ETFBKMT: variants seen among roughly 807,000 people sequenced by gnomAD.
ETFBKMT encodes the protein electron transfer flavoprotein beta subunit lysine methyltransferase.
Under a neutral mutation model 18.3 loss-of-function variants are expected in ETFBKMT, and 13 were observed. That is an observed-to-expected ratio of 0.71 (90% CI 0.46 to 1.13). The LOEUF is 1.13. Among genes scored for constraint, ETFBKMT ranks in the 50% most tolerant of loss-of-function variants. The probability of loss-of-function intolerance (pLI) is 0.00; values close to 1 mark genes in which losing one functional copy is unlikely to be tolerated. For synonymous variants in ETFBKMT, 84 were observed against 107.9 expected (o/e 0.78, Z 1.37); for missense variants, 293 against 306.2 (o/e 0.96, Z 0.32).
intron 2 of ETFBKMT, among the ~76,000 whole-genome samples, chr12:31,662,859 G>A (rs1185558527): frequency 6.6e-6 from 1 of 151,940 alleles, no homozygotes; most frequent in Non-Finnish European, 1.5e-5. Context: ...CAGTCCTTTC[G>A]CTCTCCTTTA....
Position 31,668,912 on chromosome 12 carries a change from T to A in ETFBKMT, c.*922T>A, listed in dbSNP as rs899126204. On this transcript the variant is annotated 3_prime_UTR_variant, in exon 4 of 4. Coordinates refer to ENST00000357721, the MANE Select transcript of ETFBKMT (RefSeq NM_001135863.2). ...TTTCGCATTAGAGCCCTTTGCATGT[T>A]AATCAGTTATTTTAAATTTATGATC... is the stretch of plus-strand genomic sequence containing the variant. The A allele has an allele frequency of 6.6e-6, 1 of 152,274 alleles. No individual in the cohort carries two copies. The allele number at this position is 152,274 out of a possible 1,614,324, so 9.4% of individuals were successfully genotyped here.
chr12:31,672,675 C>T lies in ETFBKMT; in HGVS notation c.*4685C>T, dbSNP rs751778678. 3 of 254,514 alleles carry T rather than the reference C, an allele frequency of 1.2e-5. No homozygotes were observed. Among genetic ancestry groups the T allele is most frequent in the Non-Finnish European group, 2.3e-5 (3 of 132,132 alleles). The allele number at this position is 254,514 out of a possible 1,614,324, so 15.8% of individuals were successfully genotyped here. On this transcript the variant is annotated 3_prime_UTR_variant, in exon 4 of 4. Transcript: ENST00000357721. ...CAACCAGAGTAATGGTCTAATTTCA[C>T]CATTAACCTGTGTTAATGGTTAATA...
intron 1 of ETFBKMT, among the ~76,000 whole-genome samples, chr12:31,652,079 A>G (rs957323463): frequency 2.0e-5 from 3 of 152,172 alleles, no homozygotes; most frequent in Non-Finnish European, 4.4e-5. Context: ...TGGGGTAACC[A>G]GGCTTCCCCT....
chr12:31,657,359 C>G (rs1414111764), upstream of ETFBKMT, among the ~76,000 whole-genome samples: 3 of 152,194 alleles, frequency 2.0e-5, no homozygotes, highest in Non-Finnish European at 4.4e-5. Flanking sequence ...TAAGACATTA[C>G]AATGCATCAA....
At chr12:31,659,449 T>G (rs748360771), upstream of ETFBKMT, 2 of 152,412 alleles carry the variant, frequency 1.3e-5, no homozygotes, top group Non-Finnish European at 2.9e-5. Flanking sequence ...GTCTACCCGT[T>G]GTGGAACGTA....
chr12:31,666,179 G>A lies in ETFBKMT; in HGVS notation c.407G>A (p.Ser136Asn), dbSNP rs1951193162. The part of the protein sequence containing the change: ...CGATAIAAKM[S>N]GASRILANDI... Reference sequence around the variant, plus strand: ...GCTACAGCTATTGCTGCTAAGATGAGTGGGGCATCAAGGATCTTGGCCAAT... The same window carrying A: ...GCTACAGCTATTGCTGCTAAGATGAATGGGGCATCAAGGATCTTGGCCAAT... Residue 136 changes from serine to asparagine, a missense_variant, in exon 3 of 4, where the codon AGT becomes AAT. By Grantham distance (46) the Ser-to-Asn change is conservative. Coordinates refer to ENST00000357721, the MANE Select transcript of ETFBKMT (RefSeq NM_001135863.2). 6 of 1,614,156 alleles carry A rather than the reference G, an allele frequency of 3.7e-6. No homozygotes were observed. Among genetic ancestry groups the A allele is most frequent in the Non-Finnish European group, 5.1e-6 (6 of 1,179,990 alleles).
chr12:31,655,899 G>C (rs951985691), upstream of ETFBKMT, among the ~76,000 whole-genome samples: 3 of 152,156 alleles, frequency 2.0e-5, no homozygotes, highest in Admixed American at 6.5e-5. Context: ...TCTCATTTGG[G>C]TTGACAATAC....
intron 1 of ETFBKMT, among the ~76,000 whole-genome samples, chr12:31,652,932 G>C: frequency 6.6e-6 from 1 of 152,232 alleles, no homozygotes; most frequent in African/African-American, 2.4e-5. Flanking sequence ...TGCCAGGCCG[G>C]TCGCGGTGGC....
intron 2 of ETFBKMT, among the ~76,000 whole-genome samples, chr12:31,662,799 A>T (rs1384161840): frequency 6.6e-6 from 1 of 152,168 alleles, no homozygotes; most frequent in Admixed American, 6.5e-5. Context: ...GGAGGTTCAT[A>T]GTTCATAGCG....
rs4931538 is a variant in ETFBKMT, at chr12:31,668,531, G to A, written c.*541G>A. Reference sequence around the variant, plus strand: ...TTTGAGATGGAGTCTCAGCTCTGTCGTCCAGGCTGGAGTGCAGTGACTCAT... The same window carrying A: ...TTTGAGATGGAGTCTCAGCTCTGTCATCCAGGCTGGAGTGCAGTGACTCAT... On this transcript the variant is annotated 3_prime_UTR_variant, in exon 4 of 4. Coordinates refer to ENST00000357721, the MANE Select transcript of ETFBKMT (RefSeq NM_001135863.2). 6,119 of 149,476 alleles carry A rather than the reference G, an allele frequency of 0.041. 402 individuals carry two copies. Among genetic ancestry groups the A allele is most frequent in the East Asian group, 0.28 (1,414 of 5,074 alleles). The allele number at this position is 149,476 out of a possible 1,614,324, so 9.3% of individuals were successfully genotyped here.
In ETFBKMT at chr12:31,671,836, G is replaced by A. The variant is rs1246685494; in HGVS notation, c.*3846G>A. The stretch of plus-strand genomic sequence containing the variant: ...TGTTCAGGTCTGCTTTTGGCAAATG[G>A]GCATTTAAATACTCCAAGAAGGTAA... On this transcript the variant is annotated 3_prime_UTR_variant, in exon 4 of 4. Coordinates refer to ENST00000357721, the MANE Select transcript of ETFBKMT (RefSeq NM_001135863.2). 1 of 152,864 alleles carries A rather than the reference G, an allele frequency of 6.5e-6. No individual in the cohort carries two copies. The highest frequency in any genetic ancestry group is 1.9e-4 in the East Asian group (1 of 5,202). 9.5% of individuals were successfully genotyped at this position (152,864 alleles called of 1,614,324 possible). A position where few individuals can be genotyped will look rare whatever the true frequency, so the allele number is the denominator to read the frequency against.
intron 2 of ETFBKMT, among the ~76,000 whole-genome samples, chr12:31,663,087 C>CA (rs199571909): frequency 3.2e-4 from 47 of 148,352 alleles, no homozygotes; most frequent in South Asian, 1.1e-3. Flanking sequence ...CCTATCTCTA[C>CA]AAAAAAAAAT....
chr12:31,672,426 T>A lies in ETFBKMT; in HGVS notation c.*4436T>A. 7.6e-7 allele frequency: 1 copy of A among 1,311,180 alleles called. No homozygotes were observed. The highest frequency in any genetic ancestry group is 2.5e-5 in the East Asian group (1 of 39,648). 81.2% of individuals were successfully genotyped at this position (1,311,180 alleles called of 1,614,324 possible). On this transcript the variant is annotated 3_prime_UTR_variant, in exon 4 of 4. Coordinates refer to ENST00000357721, the MANE Select transcript of ETFBKMT (RefSeq NM_001135863.2). ...ATATTAATTGACAATAAAAAATGTT[T>A]AATGTTTCCTCATGTCTAACTGGAG...
chr12:31,649,535 G>A (rs978998520), intron 1 of ETFBKMT, among the ~76,000 whole-genome samples: 7 of 151,894 alleles, frequency 4.6e-5, no homozygotes, highest in African/African-American at 1.5e-4. Flanking sequence ...CAAACAGAGT[G>A]TGCTTACTTC....
chr12:31,665,181 C>T (rs1951178339), intron 2 of ETFBKMT, among the ~76,000 whole-genome samples: 2 of 152,176 alleles, frequency 1.3e-5, no homozygotes, highest in African/African-American at 4.8e-5. Flanking sequence ...AGGTGATCCA[C>T]CTGCTCAGCC....
upstream of ETFBKMT, among the ~76,000 whole-genome samples, chr12:31,658,471 T>C (rs1332574426): frequency 6.6e-6 from 1 of 152,348 alleles, no homozygotes; most frequent in East Asian, 1.9e-4. Flanking sequence ...GGCTGTTGAC[T>C]GGAAGCACAA....
upstream of ETFBKMT, chr12:31,659,669 CT>C (rs1951094160): frequency 6.6e-6 from 1 of 152,278 alleles, no homozygotes; most frequent in South Asian, 2.1e-4. Context: ...AAGTGACAGC[CT>C]AGTACTGCTT....
Position 31,668,927 on chromosome 12 carries a change from A to C in ETFBKMT, c.*937A>C, listed in dbSNP as rs1369357796. 1 of 152,082 alleles carries C rather than the reference A, an allele frequency of 6.6e-6. No homozygotes were observed. Among genetic ancestry groups the C allele is most frequent in the African/African-American group, 2.4e-5 (1 of 41,410 alleles). 9.4% of individuals were successfully genotyped at this position (152,082 alleles called of 1,614,324 possible). A position where few individuals can be genotyped will look rare whatever the true frequency, so the allele number is the denominator to read the frequency against. ...CTTTGCATGTTAATCAGTTATTTTA[A>C]ATTTATGATCTGGTAATTCTAAAAT... On this transcript the variant is annotated 3_prime_UTR_variant, in exon 4 of 4. Coordinates refer to ENST00000357721, the MANE Select transcript of ETFBKMT (RefSeq NM_001135863.2).
intron 3 of ETFBKMT, 58 bp downstream of exon 3, chr12:31,666,275 A>T (rs1951195500): frequency 6.5e-7 from 1 of 1,528,560 alleles, no homozygotes; most frequent in African/African-American, 1.4e-5. Flanking sequence ...TCTGGGATAA[A>T]TATGTACACA....
Sources: gnomAD v4.1 joint callset for allele counts (sites outside exome capture counted in the v4.1 genomes callset) on GRCh38, gnomAD v4.1.1 for gene constraint, MANE v1.5 for transcripts, NCBI Gene and HGNC (gene_info 2026-07-23, HGNC 2026-07-21) for gene names.